Variants in DAB1 observed in about 807,000 individuals in gnomAD.
DAB1 encodes disabled homolog 1.
In DAB1, 15 loss-of-function variants were observed where a neutral mutation model predicts 64.6. The ratio of observed to expected loss-of-function variants is 0.23; its 90% confidence interval spans 0.16 to 0.36. The LOEUF is 0.36. Ranked by LOEUF, DAB1 falls within the 10% of genes least tolerant of loss-of-function variation. The pLI is 1.00. For synonymous variants in DAB1, 235 were observed against 251.9 expected (o/e 0.93, Z 0.64); for missense variants, 596 against 706.7 (o/e 0.84, Z 1.78).
intron 5 of DAB1, among the ~76,000 whole-genome samples, chr1:58,126,607 CT>C (rs1292418953): frequency 1.5e-4 from 22 of 145,802 alleles, no homozygotes; most frequent in African/African-American, 2.6e-4. Flanking sequence ...CCCTCCCCCC[CT>C]ACCCCCCACC....
chr1:58,151,125 G>C (rs553563605), intron 4 of DAB1, among the ~76,000 whole-genome samples: 51 of 152,212 alleles, frequency 3.4e-4, no homozygotes, highest in South Asian at 1.5e-3. Context: ...CAAGTCTTTG[G>C]TATTGTGAAT....
At chr1:57,286,062 A>C (rs1418411587) in intron 2 of DAB1, among the ~76,000 whole-genome samples, 2 of 152,196 alleles carry the variant, frequency 1.3e-5, no homozygotes, top group Non-Finnish European at 2.9e-5. Flanking sequence ...GAAAAAAACA[A>C]CTTTATTTTT....
intron 4 of DAB1, among the ~76,000 whole-genome samples, chr1:57,086,007 T>C (rs530049693): frequency 2.6e-5 from 4 of 152,266 alleles, no homozygotes; most frequent in Non-Finnish European, 5.9e-5. Context: ...CAGCATGTTA[T>C]ATAGGCAACT....
At chr1:57,841,381 G>T (rs1653040040) in intron 1 of DAB1, among the ~76,000 whole-genome samples, 1 of 152,202 alleles carries the variant, frequency 6.6e-6, no homozygotes, top group Non-Finnish European at 1.5e-5. Context: ...GAGGATGATG[G>T]CCGTCTTCTC....
At chr1:58,455,159 C>T (rs1217974555) in intron 3 of DAB1, among the ~76,000 whole-genome samples, 1 of 152,194 alleles carries the variant, frequency 6.6e-6, no homozygotes, top group East Asian at 1.9e-4. Context: ...TGCAGGGGAT[C>T]AGGAGTGTGG....
At chr1:57,347,067 A>G (rs899824677) in intron 1 of DAB1, among the ~76,000 whole-genome samples, 2 of 152,210 alleles carry the variant, frequency 1.3e-5, no homozygotes, top group African/African-American at 4.8e-5. Context: ...CAGAGGAAGG[A>G]GAGATTGTGA....
At chr1:58,406,709 TCCC>T (rs747746927) in intron 3 of DAB1, among the ~76,000 whole-genome samples, 8 of 72,910 alleles carry the variant, frequency 1.1e-4, no homozygotes, top group Non-Finnish European at 1.7e-4. Context: ...GATAATATCA[TCCC>T]CCCCCCCCAA....
At chr1:57,186,606 G>A (rs959802955) in intron 2 of DAB1, among the ~76,000 whole-genome samples, 6 of 152,190 alleles carry the variant, frequency 3.9e-5, no homozygotes, top group African/African-American at 1.2e-4. Context: ...AATCCGCAAA[G>A]AGGGACCCTT....
chr1:57,153,175 G>A (rs754686351), intron 2 of DAB1, among the ~76,000 whole-genome samples: 26 of 152,072 alleles, frequency 1.7e-4, no homozygotes, highest in Admixed American at 5.9e-4. Flanking sequence ...ACAGGCGTAC[G>A]CCACCATACC....
intron 2 of DAB1, among the ~76,000 whole-genome samples, chr1:57,167,747 C>T (rs1439766957): frequency 6.6e-6 from 1 of 152,216 alleles, no homozygotes; most frequent in Non-Finnish European, 1.5e-5. Flanking sequence ...TGTAGCCTTA[C>T]CCTGCCAAGT....
In DAB1 at chr1:57,061,232, G is replaced by GC. The variant is rs903183721; in HGVS notation, c.723+1651_723+1652insG. 9.0e-4 allele frequency among the ~76,000 whole-genome samples: 135 copies of GC among 149,192 alleles called. 2 individuals are homozygous for GC. Among genetic ancestry groups the GC allele is most frequent in the African/African-American group, 3.1e-3 (124 of 39,958 alleles). ...GTTTCAGAAGCCATATTTAGATGGG[G>GC]GGGGGGGGTGGTTTCAAGATCCTGG... On this transcript the variant is annotated intron_variant, in intron 9 of 14. Coordinates refer to ENST00000371236, the MANE Select transcript of DAB1 (RefSeq NM_001365792.1).
In DAB1 at chr1:58,337,254, C is replaced by T. The variant is rs550857421; in HGVS notation, n.309+6098G>A. 5.3e-5 allele frequency among the ~76,000 whole-genome samples: 8 copies of T among 150,506 alleles called. No homozygotes were observed. The South Asian group carries it at 1.3e-3, about 24-fold the overall frequency. On this transcript the variant is annotated intron_variant and non_coding_transcript_variant, in intron 4 of 20. Transcript: ENST00000485760. ...CAGAGATCATGCCACTGCACTCCAG[C>T]CTGGTTGACAGAGCGAGACTCTGTC...
chr1:57,071,131 A>G, intron 6 of DAB1, 70 bp from the exon 7 acceptor site: 1 of 1,404,394 alleles, frequency 7.1e-7, no homozygotes, highest in Non-Finnish European at 1.0e-6. Flanking sequence ...GACTGCATTC[A>G]GAAATTACAG....
At chr1:57,986,986 G>T (rs1467518003) in intron 5 of DAB1, among the ~76,000 whole-genome samples, 1 of 152,160 alleles carries the variant, frequency 6.6e-6, no homozygotes, top group Non-Finnish European at 1.5e-5. Flanking sequence ...ATTGTTCAAG[G>T]TCACTCAGCT....
intron 3 of DAB1, among the ~76,000 whole-genome samples, chr1:58,471,489 T>C (rs1209305949): frequency 6.6e-6 from 1 of 152,202 alleles, no homozygotes; most frequent in Non-Finnish European, 1.5e-5. Context: ...TACTGCCACC[T>C]AAACAAAATG....
intron 2 of DAB1, among the ~76,000 whole-genome samples, chr1:57,192,143 T>C (rs914570285): frequency 2.0e-5 from 3 of 151,818 alleles, no homozygotes; most frequent in Non-Finnish European, 4.4e-5. Flanking sequence ...ATGGTAAAAC[T>C]CTGTCTCTAC....
At chr1:57,092,764 A>G (rs1332771758) in intron 4 of DAB1, among the ~76,000 whole-genome samples, 2 of 152,070 alleles carry the variant, frequency 1.3e-5, no homozygotes, top group African/African-American at 4.8e-5. Context: ...AAGCCATGGG[A>G]GAAGTCTCTG....
chr1:57,507,990 T>C (rs1644364634), intron 7 of DAB1, among the ~76,000 whole-genome samples: 1 of 152,166 alleles, frequency 6.6e-6, no homozygotes. Flanking sequence ...TCCCCAGAGA[T>C]ATGGAATAAG....
intron 1 of DAB1, among the ~76,000 whole-genome samples, chr1:57,402,984 C>A (rs992046502): frequency 6.6e-6 from 1 of 152,148 alleles, no homozygotes; most frequent in South Asian, 2.1e-4. Context: ...CTGGGAGACC[C>A]AAGAAGGCTT....
Sources: allele counts gnomAD v4.1 joint callset (sites outside exome capture counted in the v4.1 genomes callset), GRCh38; gene constraint gnomAD v4.1.1; transcripts MANE v1.5; gene names NCBI Gene and HGNC (gene_info 2026-07-23, HGNC 2026-07-21).